NKAIN3: variants seen among roughly 807,000 people sequenced by gnomAD.
The protein encoded by NKAIN3 is sodium/potassium transporting ATPase interacting 3.
NKAIN3 carries 25 observed loss-of-function variants against 30.2 expected under a neutral mutation model. The ratio of observed to expected loss-of-function variants is 0.83; its 90% CI spans 0.60 to 1.16. The LOEUF (loss-of-function observed/expected upper bound fraction) is 1.16. Among genes scored for constraint, NKAIN3 ranks in the 50% most tolerant of loss-of-function variants. The pLI, the probability that NKAIN3 is intolerant of heterozygous loss-of-function variation, is 0.00. For missense variants in NKAIN3, 225 were observed against 254.1 expected, an observed-to-expected ratio of 0.89 and a Z score of 0.78; for synonymous variants, 91 against 89.6, an observed-to-expected ratio of 1.02 and a Z score of -0.09.
intron 5 of NKAIN3, among the ~76,000 whole-genome samples, chr8:62,929,006 G>A (rs1025670026): frequency 1.3e-5 from 2 of 152,308 alleles, no homozygotes; most frequent in South Asian, 2.1e-4. Flanking sequence ...CCTCCAGCAT[G>A]CCTGGGAAGC....
chr8:62,382,922 A>G (rs1177213929), intron 1 of NKAIN3, among the ~76,000 whole-genome samples: 1 of 152,144 alleles, frequency 6.6e-6, no homozygotes, highest in Non-Finnish European at 1.5e-5. Context: ...TACAATAACG[A>G]TGGCCACTTT....
intron 1 of NKAIN3, among the ~76,000 whole-genome samples, chr8:62,301,575 G>A (rs765979581): frequency 3.3e-5 from 5 of 152,100 alleles, no homozygotes; most frequent in Middle Eastern, 3.4e-3. Flanking sequence ...ATTCAGTTAG[G>A]TTACAATTCA....
intron 6 of NKAIN3, among the ~76,000 whole-genome samples, chr8:62,956,316 AGT>A (rs1823417904): frequency 6.6e-6 from 1 of 152,198 alleles, no homozygotes; most frequent in Non-Finnish European, 1.5e-5. Context: ...ATCACAGTGA[AGT>A]AGAAAGCCAG....
At chr8:62,361,446 T>A (rs1816559495) in intron 1 of NKAIN3, among the ~76,000 whole-genome samples, 1 of 152,248 alleles carries the variant, frequency 6.6e-6, no homozygotes. Flanking sequence ...AGGAATTTTT[T>A]AAGTGTTTGT....
chr8:62,412,873 C>T lies in NKAIN3; in HGVS notation c.54+163746C>T, dbSNP rs577896197. 2.8e-5 allele frequency among the ~76,000 whole-genome samples: 4 copies of T among 143,396 alleles called. No individual in the cohort carries two copies. In the South Asian group the frequency reaches 8.9e-4, roughly 32 times the overall value. 94.1% of individuals were successfully genotyped at this position (143,396 alleles called of 152,430 possible). A position where few individuals can be genotyped will look rare whatever the true frequency, so the allele number is the denominator to read the frequency against. On this transcript the variant is annotated intron_variant, in intron 1 of 6. Transcript: ENST00000623646. The stretch of plus-strand genomic sequence containing the variant: ...GTTGCAGTGAGCTGAGATCGCACCA[C>T]TGCACTGCAGCCTGGGTGACAGACT...
At chr8:62,855,707 A>G in intron 4 of NKAIN3, 1 of 1,580,454 alleles carries the variant, frequency 6.3e-7, no homozygotes. Flanking sequence ...TGTGAAGCGG[A>G]GCTTCTGAAC....
intron 1 of NKAIN3, among the ~76,000 whole-genome samples, chr8:62,395,034 C>G (rs1360475408): frequency 2.7e-5 from 4 of 148,782 alleles, no homozygotes; most frequent in African/African-American, 7.5e-5. Flanking sequence ...GGAGGCCGGG[C>G]AGAGGCGCTC....
At chr8:62,298,866 A>T (rs1441356866) in intron 1 of NKAIN3, among the ~76,000 whole-genome samples, 1 of 149,120 alleles carries the variant, frequency 6.7e-6, no homozygotes, top group Admixed American at 6.7e-5. Flanking sequence ...ATGAATCAAT[A>T]ATATTAATAT....
chr8:62,508,356 C>T (rs537578773), intron 1 of NKAIN3, among the ~76,000 whole-genome samples: 1 of 152,292 alleles, frequency 6.6e-6, no homozygotes, highest in African/African-American at 2.4e-5. Context: ...TTGCCCCTCC[C>T]CCTCCACCTT....
chr8:62,963,187 C>T (rs530276355), intron 6 of NKAIN3, among the ~76,000 whole-genome samples: 4 of 152,186 alleles, frequency 2.6e-5, no homozygotes, highest in Non-Finnish European at 5.9e-5. Flanking sequence ...GCCACTGTGC[C>T]CAACCCTGTT....
At chr8:62,614,312 C>A (rs545534221) in intron 3 of NKAIN3, among the ~76,000 whole-genome samples, 206 of 152,286 alleles carry the variant, frequency 1.4e-3, no homozygotes, top group African/African-American at 4.7e-3. Flanking sequence ...TCAGGATTTT[C>A]AGATACTCTT....
chr8:62,676,645 C>G (rs750221322), intron 3 of NKAIN3, among the ~76,000 whole-genome samples: 14 of 151,690 alleles, frequency 9.2e-5, no homozygotes, highest in Non-Finnish European at 2.1e-4. Flanking sequence ...ATATCTCTAA[C>G]TTTGTGGTTA....
At chr8:62,441,943 T>C (rs1180905203) in intron 1 of NKAIN3, among the ~76,000 whole-genome samples, 2 of 152,098 alleles carry the variant, frequency 1.3e-5, no homozygotes, top group African/African-American at 4.8e-5. Context: ...ATTATCAGAC[T>C]GAATTTCATC....
intron 4 of NKAIN3, among the ~76,000 whole-genome samples, chr8:62,838,919 G>A (rs1338596109): frequency 6.6e-6 from 1 of 152,016 alleles, no homozygotes; most frequent in South Asian, 2.1e-4. Context: ...GATAACTCGG[G>A]TAGAAATTGT....
chr8:62,293,902 G>A lies in NKAIN3; in HGVS notation c.54+44775G>A, dbSNP rs568289697. On this transcript the variant is annotated intron_variant, in intron 1 of 6. Transcript: ENST00000623646. ...GGCTCCACCCAGTTCGAGCTTCCAG[G>A]CTACTTTGTTTACTTACTCAAGCCT... Among the ~76,000 whole-genome samples, 5 of 152,272 alleles carry A rather than the reference G, an allele frequency of 3.3e-5. No homozygotes were observed. The South Asian group carries it at 1.0e-3, about 32-fold the overall frequency.
chr8:62,559,061 A>C (rs777738455), intron 1 of NKAIN3, among the ~76,000 whole-genome samples: 3 of 152,010 alleles, frequency 2.0e-5, no homozygotes, highest in African/African-American at 4.8e-5. Context: ...AATTCTTTTT[A>C]ATTTGTTGAA....
intron 1 of NKAIN3, among the ~76,000 whole-genome samples, chr8:62,445,749 C>G (rs1180247028): frequency 6.6e-6 from 1 of 152,124 alleles, no homozygotes; most frequent in Non-Finnish European, 1.5e-5. Flanking sequence ...ATGGTTTTCT[C>G]TTACCCCATC....
intron 3 of NKAIN3, among the ~76,000 whole-genome samples, chr8:62,670,227 A>T (rs1423464998): frequency 2.0e-5 from 3 of 152,052 alleles, no homozygotes; most frequent in African/African-American, 7.2e-5. Context: ...ATTTTTTATT[A>T]TGTGTGTGTG....
intron 3 of NKAIN3, among the ~76,000 whole-genome samples, chr8:62,729,043 A>ACAAAC (rs773430955): frequency 0.016 from 2,114 of 128,538 alleles, 134 homozygotes; most frequent in African/African-American, 0.046. Flanking sequence ...AAAAAAACAA[A>ACAAAC]AAAAAAAAAC....
Sources: allele counts gnomAD v4.1 joint callset (sites outside exome capture counted in the v4.1 genomes callset), GRCh38; gene constraint gnomAD v4.1.1; transcripts MANE v1.5; gene names NCBI Gene and HGNC (gene_info 2026-07-23, HGNC 2026-07-21).